THRAP3: variants seen among roughly 807,000 people sequenced by gnomAD.
The protein encoded by THRAP3 is thyroid hormone receptor-associated protein 3.
A neutral mutation model predicts 101.0 loss-of-function variants in THRAP3; 16 were observed. The observed-to-expected ratio is 0.16, with a 90% CI of 0.11 to 0.24. THRAP3 has a LOEUF of 0.24. Among genes scored for constraint, THRAP3 ranks in the 10% least tolerant of loss-of-function variants. THRAP3 has a pLI of 1.00. For synonymous variants in THRAP3, 407 were observed against 422.6 expected (o/e 0.96, Z 0.45); for missense variants, 989 against 1,202.7 (o/e 0.82, Z 2.63).
Position 36,298,019 on chromosome 1 carries a change from C to T in THRAP3, c.2303+1249C>T, listed in dbSNP as rs145269264. Among the ~76,000 whole-genome samples the T allele has an allele frequency of 5.3e-3, 792 of 150,584 alleles. 8 individuals carry two copies. The highest frequency in any genetic ancestry group is 0.018 in the African/African-American group (748 of 41,080). Reference sequence around the variant, plus strand: ...AAAATTAGCCGGGCATGGTGGCGTGCGCCTGTAATCCCAGCTACTCGGGAG... The same window carrying T: ...AAAATTAGCCGGGCATGGTGGCGTGTGCCTGTAATCCCAGCTACTCGGGAG... On this transcript the variant is annotated intron_variant, in intron 9 of 11. Coordinates refer to ENST00000354618, the MANE Select transcript of THRAP3 (RefSeq NM_005119.4).
At chr1:36,292,428 T>C (rs1645887750) in intron 6 of THRAP3, among the ~76,000 whole-genome samples, 170 bp from the exon 7 acceptor site, 1 of 151,630 alleles carries the variant, frequency 6.6e-6, no homozygotes, top group African/African-American at 2.4e-5. Flanking sequence ...CCCGCCACCA[T>C]GCCCACTAGT....
At position 36,289,635 on chromosome 1, in the gene THRAP3, G is replaced by A. The variant is rs1422006418; in HGVS notation, c.1616G>A (p.Arg539Lys). Residue 539 changes from arginine (R) to lysine (K), a missense_variant, in exon 5 of 12, where the codon AGA (arginine) becomes AAA (lysine). By Grantham distance (26) the Arg-to-Lys change is conservative. Transcript: ENST00000354618. ...VQEKSSSPPP[R>K]KTSESRDKLG... The stretch of plus-strand genomic sequence containing the variant: ...GAGAAAAGCTCATCACCTCCCCCAA[G>A]AAAGACCTCTGAGAGCCGAGACAAG... 38 of 1,614,190 alleles carry A rather than the reference G, an allele frequency of 2.4e-5. No homozygotes were observed. The highest frequency in any genetic ancestry group is 3.1e-5 in the Non-Finnish European group (37 of 1,180,036).
chr1:36,209,334 T>G, the THRAP3 span, among the ~76,000 whole-genome samples: 2 of 152,294 alleles, frequency 1.3e-5, no homozygotes, highest in East Asian at 1.9e-4. Flanking sequence ...CTAAGCAAGA[T>G]GAAGAGTTTC....
intron 1 of THRAP3, among the ~76,000 whole-genome samples, chr1:36,243,079 T>C (rs984705941): frequency 6.6e-5 from 10 of 151,584 alleles, no homozygotes; most frequent in Admixed American, 1.3e-4. Flanking sequence ...AAAAATAGAA[T>C]GCTGATTGTG....
In THRAP3 at chr1:36,282,711, G is replaced by A. The variant is rs1301092627; in HGVS notation, c.137+11G>A. ...GAAGCGCAGGCTGAGGTAAGGGGGT[G>A]TGACTTTGTATATTGAGATAATCAT... On this transcript the variant is annotated intron_variant, in intron 3 of 11. Transcript: ENST00000354618. The A allele has an allele frequency of 1.3e-5, 21 of 1,613,860 alleles. No individual in the cohort carries two copies. The highest frequency in any genetic ancestry group is 1.6e-5 in the Non-Finnish European group (19 of 1,179,920).
intron 2 of THRAP3, among the ~76,000 whole-genome samples, chr1:36,273,353 G>A (rs1645614189): frequency 6.6e-6 from 1 of 152,190 alleles, no homozygotes; most frequent in African/African-American, 2.4e-5. Context: ...GAAAATCTCA[G>A]TAGACACATT....
intron 1 of THRAP3, among the ~76,000 whole-genome samples, chr1:36,249,950 CATG>C (rs1190122212): frequency 2.0e-5 from 3 of 152,064 alleles, no homozygotes; most frequent in Non-Finnish European, 4.4e-5. Flanking sequence ...GGAGGAATGA[CATG>C]ATCATATTTG....
intron 2 of THRAP3, among the ~76,000 whole-genome samples, chr1:36,259,788 AGAATT>A (rs1288323526): frequency 6.6e-6 from 1 of 151,494 alleles, no homozygotes; most frequent in Admixed American, 6.6e-5. Context: ...GAAAAGAAAA[AGAATT>A]GATTATCCAG....
At chr1:36,223,512 T>C (rs769123938), upstream of THRAP3, among the ~76,000 whole-genome samples, 2 of 152,170 alleles carry the variant, frequency 1.3e-5, no homozygotes, top group Admixed American at 6.5e-5. Context: ...GAGGAGCTAG[T>C]CAACTTTGAA....
intron 2 of THRAP3, among the ~76,000 whole-genome samples, chr1:36,274,425 A>T (rs1157733430): frequency 6.6e-6 from 1 of 152,168 alleles, no homozygotes; most frequent in Non-Finnish European, 1.5e-5. Context: ...GCTGATTCTA[A>T]AATTCATATG....
chr1:36,236,057 GC>G (rs1197041950), intron 1 of THRAP3, among the ~76,000 whole-genome samples: 1 of 151,530 alleles, frequency 6.6e-6, no homozygotes, highest in African/African-American at 2.4e-5. Flanking sequence ...GACCAGCCTG[GC>G]CAACATAGTG....
chr1:36,264,272 G>A (rs1333272457), intron 2 of THRAP3, among the ~76,000 whole-genome samples: 1 of 152,164 alleles, frequency 6.6e-6, no homozygotes, highest in East Asian at 1.9e-4. Flanking sequence ...AACCACTCTG[G>A]TTCTGTGGCT....
rs546370346 is a variant in THRAP3 at position 36,269,987 on chromosome 1, A to G, written c.-32+10503A>G. ...TTGTTCGGATTTTGACCAAGAATAC[A>G]GTCTGCCTGCAGAGTATTGATAATG... On this transcript the variant is annotated intron_variant, in intron 2 of 11. Coordinates refer to ENST00000354618, the MANE Select transcript of THRAP3 (RefSeq NM_005119.4). Among the ~76,000 whole-genome samples the G allele has an allele frequency of 9.1e-4, 138 of 152,364 alleles. 1 individual carries two copies. Among genetic ancestry groups the G allele is most frequent in the Admixed American group, 9.0e-3 (137 of 15,292 alleles).
At chr1:36,290,515 G>A (rs1251055747) in intron 5 of THRAP3, among the ~76,000 whole-genome samples, 2 of 152,018 alleles carry the variant, frequency 1.3e-5, no homozygotes, top group Admixed American at 6.6e-5. Flanking sequence ...ACCCAGGCTG[G>A]CGTGCAGTGG....
At chr1:36,294,649 T>C (rs964278532) in intron 8 of THRAP3, among the ~76,000 whole-genome samples, 32 of 152,198 alleles carry the variant, frequency 2.1e-4, no homozygotes, top group Non-Finnish European at 8.8e-5. Context: ...AATACTTGTT[T>C]TGTTGGTTGA....
In THRAP3 at chr1:36,289,757, C is replaced by T. The variant is rs1645842085; in HGVS notation, c.1738C>T (p.Leu580Phe). 6.2e-7 allele frequency: 1 copy of T among 1,603,382 alleles called. No individual in the cohort carries two copies. The highest frequency in any genetic ancestry group is 8.5e-7 in the Non-Finnish European group (1 of 1,175,332). The change falls in exon 5 of 12, where the codon CTC becomes TTC. Residue 580 changes from leucine to phenylalanine, a missense_variant. Physicochemically the swap from Leu to Phe is conservative, Grantham distance 22. Transcript: ENST00000354618. Reference sequence around the variant, plus strand: ...CCGGATGGACTCTTTTGATGAGGACCTCGCACGGTGAGATATGCTCCTTCT... The same window carrying T: ...CCGGATGGACTCTTTTGATGAGGACTTCGCACGGTGAGATATGCTCCTTCT... ...NVRMDSFDED[L>F]ARPSGLLAQE...
chr1:36,257,020 C>G (rs1437889633), intron 1 of THRAP3, among the ~76,000 whole-genome samples: 1 of 151,986 alleles, frequency 6.6e-6, no homozygotes, highest in Non-Finnish European at 1.5e-5. Context: ...TGGTCTTGAA[C>G]TCCCGACCTC....
At chr1:36,278,952 T>C (rs1023046126) in intron 2 of THRAP3, among the ~76,000 whole-genome samples, 31 of 151,684 alleles carry the variant, frequency 2.0e-4, no homozygotes, top group Non-Finnish European at 4.4e-4. Context: ...AAAAATAAAA[T>C]AAAATAAATA....
Position 36,239,391 on chromosome 1 carries a change from C to A in THRAP3, c.-135+14886C>A, listed in dbSNP as rs190555818. ...CAGCGATTCTCCTGCCTCAGCCTCC[C>A]AAGTAGATGGGATTACAGGTTTGCG... is the stretch of plus-strand genomic sequence containing the variant. On this transcript the variant is annotated intron_variant, in intron 1 of 11. Coordinates refer to ENST00000354618, the MANE Select transcript of THRAP3 (RefSeq NM_005119.4). 7.4e-4 allele frequency among the ~76,000 whole-genome samples: 112 copies of A among 152,114 alleles called. 2 individuals carry two copies. The East Asian group carries it at 0.013, about 18-fold the overall frequency.
Sources: allele counts gnomAD v4.1 joint callset (sites outside exome capture counted in the v4.1 genomes callset), GRCh38; gene constraint gnomAD v4.1.1; transcripts MANE v1.5; gene names NCBI Gene and HGNC (gene_info 2026-07-23, HGNC 2026-07-21).